The following PREX1 variants were observed in gnomAD, a reference collection of about 807,000 sequenced individuals.
PREX1 encodes the protein phosphatidylinositol 3,4,5-trisphosphate-dependent Rac exchanger 1 protein.
A neutral mutation model predicts 198.3 loss-of-function variants in PREX1; 41 were observed. The observed-to-expected ratio is 0.21, with a 90% CI of 0.16 to 0.27. PREX1 has a LOEUF of 0.27. PREX1 is among the 10% of genes least tolerant of loss of function. PREX1 has a pLI of 1.00. For missense variants in PREX1, 1,620 were observed against 2,200.7 expected, an observed-to-expected ratio of 0.74 and a Z score of 5.28; for synonymous variants, 843 against 887.2, an observed-to-expected ratio of 0.95 and a Z score of 0.89.
rs980836917 is a variant in PREX1, at chr20:48,684,395, C to G, written c.1335-3060G>C. Among the ~76,000 whole-genome samples the G allele has an allele frequency of 3.9e-5, 6 of 152,162 alleles. No homozygotes were observed. Among genetic ancestry groups the G allele is most frequent in the Admixed American group, 3.9e-4 (6 of 15,280 alleles). Reference sequence around the variant, plus strand: ...TGACTCCACGGCTCAGGGATGCCTCCTGGAGATGACAATGTTGGACAAATC... The same window carrying G: ...TGACTCCACGGCTCAGGGATGCCTCGTGGAGATGACAATGTTGGACAAATC... On this transcript the variant is annotated intron_variant, in intron 10 of 39. Coordinates refer to ENST00000371941, the MANE Select transcript of PREX1 (RefSeq NM_020820.4). The surrounding 1 kb of genome is among the most constrained non-coding windows in gnomAD (Gnocchi z 4.2).
intron 33 of PREX1, 105 bp from the exon 34 acceptor site, chr20:48,632,744 A>AG: frequency 3.1e-6 from 4 of 1,305,942 alleles, no homozygotes; most frequent in South Asian, 2.6e-5. Context: ...CCCCAGGTCC[A>AG]GGGGGGCACC....
chr20:48,800,933 G>A (rs775560708), intron 1 of PREX1, among the ~76,000 whole-genome samples: 14 of 152,088 alleles, frequency 9.2e-5, no homozygotes, highest in Non-Finnish European at 1.9e-4. Flanking sequence ...AGGGATTACA[G>A]GTGTGGGCCA....
the PREX1 span, among the ~76,000 whole-genome samples, chr20:48,884,578 A>C: frequency 6.6e-6 from 1 of 152,270 alleles, no homozygotes; most frequent in Non-Finnish European, 1.5e-5. Flanking sequence ...AAACATTGGA[A>C]TAAATATTTG....
intron 1 of PREX1, among the ~76,000 whole-genome samples, chr20:48,818,352 T>C (rs376560057): frequency 2.6e-5 from 4 of 152,106 alleles, no homozygotes; most frequent in South Asian, 2.1e-4. Flanking sequence ...TTTTAAAACT[T>C]TATGGGGAAA....
chr20:48,681,060 G>A (rs1290812381), intron 11 of PREX1, among the ~76,000 whole-genome samples, 175 bp downstream of exon 11: 1 of 152,168 alleles, frequency 6.6e-6, no homozygotes. Flanking sequence ...TGATTTGCTG[G>A]TGCCTAAGAG....
At chr20:48,754,876 C>T (rs1413628659) in intron 1 of PREX1, among the ~76,000 whole-genome samples, 3 of 152,060 alleles carry the variant, frequency 2.0e-5, no homozygotes, top group Non-Finnish European at 4.4e-5. Flanking sequence ...CAGAAGGGGG[C>T]TTACACAGCC....
Position 48,730,413 on chromosome 20 carries a change from CCACACACA to C in PREX1, c.520-4030_520-4023del, listed in dbSNP as rs71827793. Reference sequence around the variant, plus strand: ...CAGACATCATGCTGCGCAAAAGCCACCACACACACACACACACACACACACACACACAC... The same window carrying C: ...CAGACATCATGCTGCGCAAAAGCCACCACACACACACACACACACACACAC... On this transcript the variant is annotated intron_variant, in intron 4 of 39. Transcript: ENST00000371941. Among the ~76,000 whole-genome samples, 472 of 146,790 alleles carry C rather than the reference CCACACACA, an allele frequency of 3.2e-3. 8 individuals are homozygous for C. Among genetic ancestry groups the C allele is most frequent in the African/African-American group, 0.011 (455 of 39,900 alleles).
At chr20:48,652,733 G>C (rs769032365) in intron 20 of PREX1, 27 bp from the exon 21 acceptor site, 1 of 1,602,832 alleles carries the variant, frequency 6.2e-7, no homozygotes, top group East Asian at 2.2e-5. Flanking sequence ...TAAGGGGACA[G>C]CCATGGTGCC....
At chr20:48,772,182 G>A (rs1478549091) in intron 1 of PREX1, among the ~76,000 whole-genome samples, 2 of 152,086 alleles carry the variant, frequency 1.3e-5, no homozygotes, top group African/African-American at 2.4e-5. Flanking sequence ...TGAACAGAGC[G>A]AGACTCTGTC....
the PREX1 span, among the ~76,000 whole-genome samples, chr20:48,887,789 A>G: frequency 6.6e-6 from 1 of 152,082 alleles, no homozygotes; most frequent in African/African-American, 2.4e-5. Context: ...TACTAAAAAT[A>G]CTAAAACAAA....
chr20:48,778,685 A>G (rs561096380), intron 1 of PREX1, among the ~76,000 whole-genome samples: 1 of 152,214 alleles, frequency 6.6e-6, no homozygotes, highest in African/African-American at 2.4e-5. Flanking sequence ...CAGAAAAGAG[A>G]GTACAGGAAT....
At chr20:48,879,415 T>C in the PREX1 span, among the ~76,000 whole-genome samples, 2,042 of 152,318 alleles carry the variant, frequency 0.013, 45 homozygotes, top group African/African-American at 0.047. Context: ...TTCATAATAG[T>C]TGATAAACAG....
At chr20:48,658,663 CA>C (rs1385015583) in intron 16 of PREX1, among the ~76,000 whole-genome samples, 1 of 152,156 alleles carries the variant, frequency 6.6e-6, no homozygotes, top group Non-Finnish European at 1.5e-5. Context: ...TAGAACAAGA[CA>C]AACAAGCCCA....
At chr20:48,744,382 G>A (rs1181482282) in intron 3 of PREX1, among the ~76,000 whole-genome samples, 1 of 152,192 alleles carries the variant, frequency 6.6e-6, no homozygotes, top group Non-Finnish European at 1.5e-5. Flanking sequence ...GAGGCTCAGA[G>A]AGGCAAAGGA....
At chr20:48,627,683 G>T (rs1318277627) in intron 38 of PREX1, 68 bp from the exon 39 acceptor site, 3 of 1,512,270 alleles carry the variant, frequency 2.0e-6, no homozygotes, top group African/African-American at 2.8e-5. Context: ...ACACTGGGGG[G>T]TGGGGGTGGG....
chr20:48,654,599 C>G (rs1024558033), intron 19 of PREX1, among the ~76,000 whole-genome samples: 1 of 152,234 alleles, frequency 6.6e-6, no homozygotes, highest in Non-Finnish European at 1.5e-5. Context: ...AGAATCACTG[C>G]TTTAGGACAA....
At chr20:48,887,603 G>T in the PREX1 span, among the ~76,000 whole-genome samples, 2 of 152,030 alleles carry the variant, frequency 1.3e-5, no homozygotes, top group African/African-American at 2.4e-5. Context: ...CTGGGCGACA[G>T]AGTGAGACCC....
At chr20:48,681,709 C>T (rs866203163) in intron 10 of PREX1, among the ~76,000 whole-genome samples, 10 of 93,744 alleles carry the variant, frequency 1.1e-4, no homozygotes, top group East Asian at 6.1e-4. Context: ...GATGGACGGA[C>T]GGATGGATGT....
chr20:48,639,815 G>C lies in PREX1; in HGVS notation c.3855C>G (p.Leu1285=). Residue 1285 remains leucine (L), a synonymous_variant, in exon 30 of 40, where the codon CTC becomes CTG. Coordinates refer to ENST00000371941, the MANE Select transcript of PREX1 (RefSeq NM_020820.4). ...QISIQEDPWN[L]PNSIKTLVDN... ...CCACCAGGGTCTTGATGGAGTTGGG[G>C]AGGTTCCAGGGGTCCTCCTGGATGC... The C allele has an allele frequency of 6.2e-7, 1 of 1,614,150 alleles. No homozygotes were observed.
Sources: gnomAD v4.1 joint callset for allele counts (sites outside exome capture counted in the v4.1 genomes callset) on GRCh38, gnomAD v4.1.1 for gene constraint, Gnocchi (gnomAD v3.1) non-coding constraint, MANE v1.5 for transcripts, NCBI Gene and HGNC (gene_info 2026-07-23, HGNC 2026-07-21) for gene names.